Variants in NR4A3 observed in about 807,000 individuals in gnomAD.
NR4A3 encodes nuclear receptor subfamily 4 group A member 3, also known as chondrosarcoma, extraskeletal myxoid, fused to EWS.
In NR4A3, 13 loss-of-function variants were observed where a neutral mutation model predicts 55.6. The ratio of observed to expected loss-of-function variants is 0.23; its 90% CI spans 0.15 to 0.37. The LOEUF (loss-of-function observed/expected upper bound fraction) is 0.37. NR4A3 is among the 10% of genes least tolerant of loss of function. The probability of loss-of-function intolerance (pLI) is 1.00; values close to 1 mark genes in which losing one functional copy is unlikely to be tolerated. For missense variants in NR4A3, 646 were observed against 822.8 expected (o/e 0.79, Z 2.63); for synonymous variants, 342 against 357.9 (o/e 0.96, Z 0.50).
intron 3 of NR4A3, among the ~76,000 whole-genome samples, chr9:99,831,022 G>T (rs759139456): frequency 6.6e-6 from 1 of 152,200 alleles, no homozygotes; most frequent in African/African-American, 2.4e-5. Flanking sequence ...TAAGGGAACC[G>T]GAGCAGGTTT....
intron 7 of NR4A3, among the ~76,000 whole-genome samples, chr9:99,848,049 C>T (rs945049872): frequency 6.6e-6 from 1 of 152,140 alleles, no homozygotes; most frequent in Middle Eastern, 3.2e-3. Flanking sequence ...GGACTATAGG[C>T]ACATGCCACC....
chr9:99,824,963 G>A (rs886235174), intron 1 of NR4A3, among the ~76,000 whole-genome samples: 3 of 152,200 alleles, frequency 2.0e-5, no homozygotes, highest in Non-Finnish European at 4.4e-5. Context: ...GCCTCCGCTC[G>A]TCCCATCAGC....
rs1263026706 is a variant in NR4A3, at chr9:99,863,933, A to T, written c.*66A>T. 6.5e-7 allele frequency: 1 copy of T among 1,528,180 alleles called. No homozygotes were observed. The highest frequency in any genetic ancestry group is 1.4e-5 in the African/African-American group (1 of 72,400). The allele number at this position is 1,528,180 out of a possible 1,614,324, so 94.7% of individuals were successfully genotyped here. A position where few individuals can be genotyped will look rare whatever the true frequency, so the allele number is the denominator to read the frequency against. ...CCTGCTTGCTACGCAGCAAAGGGAT[A>T]GGTTTGGAAACCTATCATTTCCTGT... is the stretch of plus-strand genomic sequence containing the variant. On this transcript the variant is annotated 3_prime_UTR_variant, in exon 8 of 8. Transcript: ENST00000395097.
At position 99,828,748 on chromosome 9, in the gene NR4A3, G is replaced by C; in HGVS notation, c.706G>C (p.Ala236Pro). ...GAAAAAGSQA[A>P]ALESHPYGLP... Reference sequence around the variant, plus strand: ...CGCAGCCGCCGCGGGCAGCCAGGCCGCCGCGCTTGAGAGCCACCCGTACGG... The same window carrying C: ...CGCAGCCGCCGCGGGCAGCCAGGCCCCCGCGCTTGAGAGCCACCCGTACGG... The change falls in exon 3 of 8, where the codon GCC becomes CCC. Residue 236 changes from alanine (A) to proline (P), a missense_variant. By Grantham distance (27) the Ala-to-Pro change is conservative. This residue lies in a region of NR4A3 where 426 missense variants were observed against 429.4 expected (regional missense o/e 0.99). Coordinates refer to ENST00000395097, the MANE Select transcript of NR4A3 (RefSeq NM_006981.4). This position sits in a 1 kb window ranked among gnomAD's most constrained non-coding sequence, Gnocchi z 7.7. 2 of 1,335,044 alleles carry C rather than the reference G, an allele frequency of 1.5e-6. No homozygotes were observed. The highest frequency in any genetic ancestry group is 9.6e-7 in the Non-Finnish European group (1 of 1,045,608). The allele number at this position is 1,335,044 out of a possible 1,614,324, so 82.7% of individuals were successfully genotyped here.
intron 1 of NR4A3, among the ~76,000 whole-genome samples, chr9:99,823,472 G>A (rs1025470559): frequency 7.9e-5 from 12 of 152,070 alleles, no homozygotes; most frequent in Non-Finnish European, 1.3e-4. Context: ...CAGAAATGTC[G>A]GGCTGTGATC....
chr9:99,833,495 G>T (rs776453182), intron 5 of NR4A3, 41 bp downstream of exon 5: 2 of 1,613,976 alleles, frequency 1.2e-6, no homozygotes, highest in Non-Finnish European at 1.7e-6. Context: ...AATGATCAGG[G>T]TCTCTATTTA....
chr9:99,832,902 G>T, intron 4 of NR4A3, 84 bp downstream of exon 4: 11 of 1,233,138 alleles, frequency 8.9e-6, no homozygotes, highest in South Asian at 4.3e-5. Flanking sequence ...ACATTGGGAT[G>T]GTGAATTTTT....
intron 5 of NR4A3, among the ~76,000 whole-genome samples, chr9:99,840,632 T>C (rs1043826420): frequency 9.9e-5 from 15 of 152,282 alleles, no homozygotes; most frequent in African/African-American, 3.6e-4. Context: ...GTAGTCCACT[T>C]TATTCCTGTT....
At chr9:99,853,325 T>C (rs1014692633) in intron 7 of NR4A3, among the ~76,000 whole-genome samples, 6 of 149,604 alleles carry the variant, frequency 4.0e-5, no homozygotes, top group East Asian at 1.9e-4. Context: ...GAATTTCTTT[T>C]TTTTTTTTTT....
rs548392639 is a variant in NR4A3 at position 99,842,267 on chromosome 9, A to G, written c.1255-2382A>G. 2.0e-5 allele frequency among the ~76,000 whole-genome samples: 3 copies of G among 152,280 alleles called. No individual in the cohort carries two copies. The East Asian group carries it at 5.8e-4, about 29-fold the overall frequency. ...CTGTTTCTTCTCCAACCAGGTTAGG[A>G]TATTACAGCAAACCTAAGCACTCTT... On this transcript the variant is annotated intron_variant, in intron 5 of 7. Transcript: ENST00000395097.
At chr9:99,850,662 G>A (rs1032737688) in intron 7 of NR4A3, among the ~76,000 whole-genome samples, 3 of 152,168 alleles carry the variant, frequency 2.0e-5, no homozygotes, top group Admixed American at 6.5e-5. Flanking sequence ...TCAGTCCTAT[G>A]TTTAATAAGT....
At chr9:99,826,681 TAAAG>T (rs1827300442) in intron 2 of NR4A3, 1 of 1,167,806 alleles carries the variant, frequency 8.6e-7, no homozygotes, top group Non-Finnish European at 1.3e-6. Context: ...CCCTGCTTGT[TAAAG>T]AAAGGCTTGA....
At chr9:99,861,444 C>T (rs147734304) in intron 7 of NR4A3, among the ~76,000 whole-genome samples, 98 of 152,130 alleles carry the variant, frequency 6.4e-4, no homozygotes, top group African/African-American at 2.1e-3. Flanking sequence ...CTTTTGAAAC[C>T]GGGAATGTTG....
Position 99,822,989 on chromosome 9 carries a change from G to A in NR4A3, c.-177+582G>A, listed in dbSNP as rs1827212268. Among the ~76,000 whole-genome samples, 1 of 152,206 alleles carries A rather than the reference G, an allele frequency of 6.6e-6. No homozygotes were observed. Among genetic ancestry groups the A allele is most frequent in the Non-Finnish European group, 1.5e-5 (1 of 68,036 alleles). On this transcript the variant is annotated intron_variant, in intron 1 of 7. Transcript: ENST00000395097. This position sits in a 1 kb window ranked among gnomAD's most constrained non-coding sequence, Gnocchi z 4.9. ...GGACCTCAGGAAAGAGGGCGTAATTGTAGGAATGTGGCTTATTGTATTGAA... is the reference window on the plus strand; with the variant it reads ...GGACCTCAGGAAAGAGGGCGTAATTATAGGAATGTGGCTTATTGTATTGAA...
intron 6 of NR4A3, among the ~76,000 whole-genome samples, chr9:99,845,325 C>A (rs1411381630): frequency 1.3e-5 from 2 of 152,146 alleles, no homozygotes; most frequent in South Asian, 2.1e-4. Flanking sequence ...ACCTTCTCAA[C>A]CCCCAGTTTT....
At chr9:99,856,323 C>A (rs554054154) in intron 7 of NR4A3, among the ~76,000 whole-genome samples, 1 of 151,856 alleles carries the variant, frequency 6.6e-6, no homozygotes, top group East Asian at 1.9e-4. Flanking sequence ...AACCTAGATC[C>A]CTCACATGCA....
At chr9:99,839,178 G>C (rs1827608051) in intron 5 of NR4A3, among the ~76,000 whole-genome samples, 1 of 152,126 alleles carries the variant, frequency 6.6e-6, no homozygotes, top group African/African-American at 2.4e-5. Flanking sequence ...GGGGCATAGA[G>C]TTAGATCAGA....
chr9:99,857,732 C>A lies in NR4A3; in HGVS notation c.1634-5888C>A, dbSNP rs527288030. On this transcript the variant is annotated intron_variant, in intron 7 of 7. Transcript: ENST00000395097. ...ATTGCATCACTGAACTCCAGCCTGG[C>A]GACAGAGCAAGACTCTGTCTCACAA... Among the ~76,000 whole-genome samples, 29 of 150,492 alleles carry A rather than the reference C, an allele frequency of 1.9e-4. 1 individual carries two copies. Among genetic ancestry groups the A allele is most frequent in the African/African-American group, 5.6e-4 (23 of 40,828 alleles).
intron 5 of NR4A3, among the ~76,000 whole-genome samples, chr9:99,837,928 A>G (rs1228637562): frequency 6.6e-6 from 1 of 152,184 alleles, no homozygotes; most frequent in Non-Finnish European, 1.5e-5. Context: ...GTTTTGTTCC[A>G]AGTCACAGAG....
Sources: gnomAD v4.1 joint callset for allele counts (sites outside exome capture counted in the v4.1 genomes callset) on GRCh38, gnomAD v4.1.1 for gene constraint, gnomAD v4.1.1 regional missense constraint, Gnocchi (gnomAD v3.1) non-coding constraint, MANE v1.5 for transcripts, NCBI Gene and HGNC (gene_info 2026-07-23, HGNC 2026-07-21) for gene names.